Variants in ATP2A1 observed in about 807,000 individuals in gnomAD.
ATP2A1 encodes the protein ATPase sarcoplasmic/endoplasmic reticulum Ca2+ transporting 1, also known as sarcoplasmic/endoplasmic reticulum calcium ATPase 1.
A neutral mutation model predicts 109.5 loss-of-function variants in ATP2A1; 83 were observed. The ratio of observed to expected loss-of-function variants is 0.76; its 90% CI spans 0.63 to 0.91. The LOEUF is 0.91. Among genes scored for constraint, ATP2A1 ranks in the 40% least tolerant of loss-of-function variants. The probability of loss-of-function intolerance (pLI) is 0.00; values close to 1 mark genes in which losing one functional copy is unlikely to be tolerated. For synonymous variants in ATP2A1, 505 were observed against 537.6 expected, an observed-to-expected ratio of 0.94 and a Z score of 0.84; for missense variants, 1,101 against 1,341.0, an observed-to-expected ratio of 0.82 and a Z score of 2.80.
Position 28,902,337 on chromosome 16 carries a change from G to A in ATP2A1, c.2475G>A (p.Lys825=), listed in dbSNP as rs2152214663. The part of the protein sequence containing the change: ...DIMDRPPRSP[K]EPLISGWLFF... ...TGGACCGCCCCCCCCGGAGCCCCAA[G>A]GAGCCCCTCATCAGTGGCTGGCTCT... Residue 825 remains lysine, a synonymous_variant, in exon 17 of 23, where the codon AAG becomes AAA. Coordinates refer to ENST00000395503, the MANE Select transcript of ATP2A1 (RefSeq NM_004320.6). The surrounding 1 kb of genome is among the most constrained non-coding windows in gnomAD (Gnocchi z 4.8). The A allele has an allele frequency of 1.2e-6, 2 of 1,614,010 alleles. No individual in the cohort carries two copies. Among genetic ancestry groups the A allele is most frequent in the Non-Finnish European group, 1.7e-6 (2 of 1,179,982 alleles).
intron 8 of ATP2A1, among the ~76,000 whole-genome samples, chr16:28,888,016 T>A (rs1296039507): frequency 1.3e-5 from 2 of 151,954 alleles, no homozygotes; most frequent in Non-Finnish European, 2.9e-5. Flanking sequence ...TTAGCCAGGA[T>A]GGTCTCGATC....
intron 10 of ATP2A1, 129 bp downstream of exon 10, chr16:28,894,372 C>T (rs1285244117): frequency 1.6e-6 from 2 of 1,289,080 alleles, no homozygotes; most frequent in Admixed American, 2.0e-5. Flanking sequence ...GTTCTCTCTC[C>T]TGATATCCGA....
intron 12 of ATP2A1, among the ~76,000 whole-genome samples, chr16:28,897,128 C>T (rs780561740): frequency 2.0e-5 from 3 of 151,952 alleles, no homozygotes; most frequent in Non-Finnish European, 4.4e-5. Context: ...ATACAGAGTA[C>T]CTCCAATGCT....
At chr16:28,889,447 C>T (rs961331646) in intron 9 of ATP2A1, among the ~76,000 whole-genome samples, 1 of 151,920 alleles carries the variant, frequency 6.6e-6, no homozygotes, top group Non-Finnish European at 1.5e-5. Flanking sequence ...GTAATAGAGA[C>T]AGGGTTCGCC....
chr16:28,879,241 T>A lies in ATP2A1; in HGVS notation c.136+125T>A. The A allele has an allele frequency of 6.3e-6, 8 of 1,262,556 alleles. No individual in the cohort carries two copies. The South Asian group carries it at 9.5e-5, about 15-fold the overall frequency. 78.2% of individuals were successfully genotyped at this position (1,262,556 alleles called of 1,614,324 possible). Reference sequence around the variant, plus strand: ...TCCCTTCCCAAAAGGCAAATCTCCCTCCCTAAAGGTTAGAGTCCTGTCCGG... The same window carrying A: ...TCCCTTCCCAAAAGGCAAATCTCCCACCCTAAAGGTTAGAGTCCTGTCCGG... On this transcript the variant is annotated intron_variant, in intron 2 of 22. Transcript: ENST00000395503.
chr16:28,888,979 TCA>T (rs747466504), intron 9 of ATP2A1, 26 bp downstream of exon 9: 1 of 1,613,600 alleles, frequency 6.2e-7, no homozygotes, highest in Non-Finnish European at 8.5e-7. Context: ...GGCAGCGCGC[TCA>T]GTCAGAAGGC....
intron 9 of ATP2A1, among the ~76,000 whole-genome samples, chr16:28,890,272 TA>T (rs1167503048): frequency 8.5e-6 from 1 of 117,312 alleles, no homozygotes; most frequent in Non-Finnish European, 1.7e-5. Context: ...CTAAGCAACA[TA>T]GTGAGAGTCC....
intron 12 of ATP2A1, among the ~76,000 whole-genome samples, chr16:28,895,460 A>G (rs1268764347): frequency 6.6e-6 from 1 of 152,138 alleles, no homozygotes; most frequent in East Asian, 1.9e-4. Flanking sequence ...CTGGGGAATT[A>G]TATTCCCCAC....
chr16:28,879,461 A>C, intron 2 of ATP2A1, 40 bp from the exon 3 acceptor site: 1 of 1,586,602 alleles, frequency 6.3e-7, no homozygotes, highest in Non-Finnish European at 8.7e-7. Context: ...TTCACCCACT[A>C]GACCTTAACC....
chr16:28,895,086 C>A, intron 12 of ATP2A1, 133 bp downstream of exon 12: 1 of 1,329,284 alleles, frequency 7.5e-7, no homozygotes, highest in Non-Finnish European at 1.0e-6. Flanking sequence ...ACAGCCCCTG[C>A]AGCTTCTCCA....
intron 12 of ATP2A1, among the ~76,000 whole-genome samples, chr16:28,896,055 G>A (rs1297186263): frequency 6.6e-6 from 1 of 151,968 alleles, no homozygotes; most frequent in East Asian, 1.9e-4. Flanking sequence ...TGAACTCCTG[G>A]GCTCAAACCA....
At position 28,902,078 on chromosome 16, in the gene ATP2A1, G is replaced by C. The variant is rs922346831; in HGVS notation, c.2316G>C (p.Val772=). 5 of 1,614,128 alleles carry C rather than the reference G, an allele frequency of 3.1e-6. No individual in the cohort carries two copies. The highest frequency in any genetic ancestry group is 4.5e-5 in the East Asian group (2 of 44,902). Residue 772 remains valine (V), a synonymous_variant, in exon 16 of 23, where the codon GTG becomes GTC. Coordinates refer to ENST00000395503, the MANE Select transcript of ATP2A1 (RefSeq NM_004320.6). The surrounding 1 kb of genome is among the most constrained non-coding windows in gnomAD (Gnocchi z 4.8). The part of the protein sequence containing the change: ...RYLISSNVGE[V]VCIFLTAALG... ...TCATTTCCTCCAACGTGGGCGAGGT[G>C]GTCTGGTGAGCAGCTGGGTGGGCGT...
Position 28,878,571 on chromosome 16 carries a change from A to C in ATP2A1, c.-101A>C. Reference sequence around the variant, plus strand: ...GGGGGCAGGAGAGTAAAAAGAAGAAACCCAGGCAGACAGGCAGTTGGACAC... The same window carrying C: ...GGGGGCAGGAGAGTAAAAAGAAGAACCCCAGGCAGACAGGCAGTTGGACAC... On this transcript the variant is annotated 5_prime_UTR_variant, in exon 1 of 23. Coordinates refer to ENST00000395503, the MANE Select transcript of ATP2A1 (RefSeq NM_004320.6). 9.8e-7 allele frequency: 1 copy of C among 1,018,350 alleles called. No homozygotes were observed. The highest frequency in any genetic ancestry group is 1.5e-6 in the Non-Finnish European group (1 of 664,226). 63.1% of individuals were successfully genotyped at this position (1,018,350 alleles called of 1,614,324 possible).
chr16:28,894,613 C>T lies in ATP2A1; in HGVS notation c.1287+6C>T. The T allele has an allele frequency of 6.2e-7, 1 of 1,613,900 alleles. No homozygotes were observed. Among genetic ancestry groups the T allele is most frequent in the Non-Finnish European group, 8.5e-7 (1 of 1,179,856 alleles). On this transcript the variant is annotated splice_donor_region_variant and intron_variant, in intron 11 of 22. Transcript: ENST00000395503. ...CCTCCTTGGACTTCAACGAGGTAAC[C>T]TCTCCTTCCCCTTCCAGTTGGCTCA...
chr16:28,879,977 C>T (rs1427997203), intron 3 of ATP2A1: 4 of 1,014,482 alleles, frequency 3.9e-6, no homozygotes, highest in African/African-American at 1.7e-5. Flanking sequence ...CCGCGCCCGT[C>T]GGCGCCCCTG....
Position 28,880,189 on chromosome 16 carries a change from C to T in ATP2A1, c.219+606C>T, listed in dbSNP as rs1963420470. ...GCACCCCCACCCCCGCAGGGCATCT[C>T]CAGGGCTCTGCCTCCTCTCCCGCCC... On this transcript the variant is annotated intron_variant, in intron 3 of 22. Coordinates refer to ENST00000395503, the MANE Select transcript of ATP2A1 (RefSeq NM_004320.6). The surrounding 1 kb of genome is among the most constrained non-coding windows in gnomAD (Gnocchi z 4.2). 9.6e-6 allele frequency: 9 copies of T among 942,096 alleles called. No individual in the cohort carries two copies. The highest frequency in any genetic ancestry group is 4.7e-5 in the South Asian group (1 of 21,240). 58.4% of individuals were successfully genotyped at this position (942,096 alleles called of 1,614,324 possible).
Position 28,903,925 on chromosome 16 carries a change from T to G in ATP2A1, c.*37+184T>G. ...GCCTCCCACTGGGCGTCAGTTTGGC[T>G]CCCAGGCCCTGGGCAGTGCCAGCCT... On this transcript the variant is annotated intron_variant, in intron 22 of 22. Coordinates refer to ENST00000395503, the MANE Select transcript of ATP2A1 (RefSeq NM_004320.6). This position sits in a 1 kb window ranked among gnomAD's most constrained non-coding sequence, Gnocchi z 5.6. The G allele has an allele frequency of 2.7e-6, 2 of 750,912 alleles. No individual in the cohort carries two copies. Among genetic ancestry groups the G allele is most frequent in the Non-Finnish European group, 4.6e-6 (2 of 432,336 alleles). The allele number at this position is 750,912 out of a possible 1,614,324, so 46.5% of individuals were successfully genotyped here.
rs10718640 is a variant in ATP2A1 at position 28,904,018 on chromosome 16, T to TGG, written c.*38-154_*38-153dup. On this transcript the variant is annotated intron_variant, in intron 22 of 22. Coordinates refer to ENST00000395503, the MANE Select transcript of ATP2A1 (RefSeq NM_004320.6). ...GGCTGTCTTTGCTGTGGGGCTGCAG[T>TGG]GGGGGGGGGCGGGGTGTCTGGGGAC... is the stretch of plus-strand genomic sequence containing the variant. Among the ~76,000 whole-genome samples, 98 of 108,464 alleles carry TGG rather than the reference T, an allele frequency of 9.0e-4. 1 individual carries two copies. In the East Asian group the frequency reaches 0.013, roughly 14 times the overall value. 71.2% of individuals were successfully genotyped at this position (108,464 alleles called of 152,430 possible).
At chr16:28,901,705 C>T (rs1964078826) in intron 15 of ATP2A1, among the ~76,000 whole-genome samples, 158 bp from the exon 16 acceptor site, 1 of 152,144 alleles carries the variant, frequency 6.6e-6, no homozygotes, top group Non-Finnish European at 1.5e-5. Context: ...GCCTGTAATC[C>T]CAACACTTTG....
Sources: allele counts gnomAD v4.1 joint callset (sites outside exome capture counted in the v4.1 genomes callset), GRCh38; gene constraint gnomAD v4.1.1; non-coding constraint Gnocchi (gnomAD v3.1); transcripts MANE v1.5; gene names NCBI Gene and HGNC (gene_info 2026-07-23, HGNC 2026-07-21).